The following TMEM50A variants were observed in gnomAD, a reference collection of about 807,000 sequenced individuals.
TMEM50A encodes the protein cervical cancer oncogene 9.
In TMEM50A, 8 loss-of-function variants were observed where a neutral mutation model predicts 23.9. That is an observed-to-expected ratio of 0.33 (90% confidence interval 0.20 to 0.60). The LOEUF (loss-of-function observed/expected upper bound fraction) is 0.60. Ranked by LOEUF, TMEM50A falls within the 20% of genes least tolerant of loss-of-function variation. TMEM50A has a pLI of 0.81. For synonymous variants in TMEM50A, 55 were observed against 60.4 expected, an observed-to-expected ratio of 0.91 and a Z score of 0.41; for missense variants, 178 against 192.7, an observed-to-expected ratio of 0.92 and a Z score of 0.45.
chr1:25,341,042 T>C (rs1645161389), intron 2 of TMEM50A, among the ~76,000 whole-genome samples: 1 of 152,150 alleles, frequency 6.6e-6, no homozygotes, highest in Non-Finnish European at 1.5e-5. Context: ...CCTTAAAATT[T>C]TTTTTTAAAA....
At position 25,355,243 on chromosome 1, in the gene TMEM50A, G is replaced by A. The variant is rs546253355; in HGVS notation, c.368-1550G>A. Among the ~76,000 whole-genome samples, 436 of 152,136 alleles carry A rather than the reference G, an allele frequency of 2.9e-3. 4 individuals are homozygous for A. Among genetic ancestry groups the A allele is most frequent in the East Asian group, 0.012 (62 of 5,112 alleles). On this transcript the variant is annotated intron_variant, in intron 5 of 6. Coordinates refer to ENST00000374358, the MANE Select transcript of TMEM50A (RefSeq NM_014313.4). ...AGATCTCTTGAACCTGGGAGGTGGA[G>A]GTTGCAGTGAGCTGCGATCACGCCA...
chr1:25,357,562 T>TG (rs397778370), intron 6 of TMEM50A, among the ~76,000 whole-genome samples: 35 of 132,062 alleles, frequency 2.7e-4, no homozygotes, highest in African/African-American at 9.2e-4. Context: ...TGTGTGTGTG[T>TG]TGTGTGTGTG....
intron 6 of TMEM50A, among the ~76,000 whole-genome samples, chr1:25,357,980 C>T (rs1645353514): frequency 7.2e-6 from 1 of 138,206 alleles, no homozygotes; most frequent in Admixed American, 7.5e-5. Context: ...GGGAGTCTCA[C>T]TCTGTCGCCC....
chr1:25,354,529 C>T (rs1001529568), intron 5 of TMEM50A, among the ~76,000 whole-genome samples: 21 of 151,954 alleles, frequency 1.4e-4, no homozygotes, highest in African/African-American at 5.1e-4. Context: ...AGAGGATCAC[C>T]TGAGCCCGGG....
Position 25,360,710 on chromosome 1 carries a change from A to G in TMEM50A, c.*5A>G, listed in dbSNP as rs1225108321. 6.2e-7 allele frequency: 1 copy of G among 1,614,110 alleles called. No homozygotes were observed. The highest frequency in any genetic ancestry group is 8.5e-7 in the Non-Finnish European group (1 of 1,179,994). ...ACTGAAGACTTATGGCAGTGAACAC[A>G]TCTGATTTCCCACAGCACAACAGCC... On this transcript the variant is annotated 3_prime_UTR_variant, in exon 7 of 7. Transcript: ENST00000374358.
chr1:25,339,278 C>T (rs1645141073), intron 1 of TMEM50A, among the ~76,000 whole-genome samples: 2 of 152,190 alleles, frequency 1.3e-5, no homozygotes, highest in Admixed American at 6.5e-5. Context: ...CAGGTCTCTA[C>T]TGCTCGGCTT....
At chr1:25,345,129 T>TC (rs1312131338) in intron 3 of TMEM50A, among the ~76,000 whole-genome samples, 1 of 150,086 alleles carries the variant, frequency 6.7e-6, no homozygotes, top group East Asian at 1.9e-4. Context: ...TCTTTTTTTT[T>TC]TTTTTTTTTT....
chr1:25,351,595 C>T, intron 3 of TMEM50A, 31 bp from the exon 4 acceptor site: 1 of 1,581,416 alleles, frequency 6.3e-7, no homozygotes, highest in African/African-American at 1.4e-5. Flanking sequence ...GTCATGGACC[C>T]TGATTTCTTG....
At chr1:25,348,000 T>C (rs1645236586) in intron 3 of TMEM50A, among the ~76,000 whole-genome samples, 1 of 152,266 alleles carries the variant, frequency 6.6e-6, no homozygotes, top group Non-Finnish European at 1.5e-5. Flanking sequence ...AAAATTATTT[T>C]GTTCCATTTT....
intron 6 of TMEM50A, among the ~76,000 whole-genome samples, chr1:25,357,939 C>T (rs1178111381): frequency 7.0e-6 from 1 of 143,298 alleles, no homozygotes; most frequent in Non-Finnish European, 1.5e-5. Context: ...ACCCAGCCTG[C>T]ATCAGGAGTT....
At chr1:25,359,731 A>G (rs1019128892) in intron 6 of TMEM50A, among the ~76,000 whole-genome samples, 2 of 151,808 alleles carry the variant, frequency 1.3e-5, no homozygotes, top group Non-Finnish European at 2.9e-5. Flanking sequence ...TTCCCCTTTG[A>G]TGTACTGTTT....
chr1:25,351,752 C>A, intron 4 of TMEM50A, 59 bp downstream of exon 4: 1 of 1,403,630 alleles, frequency 7.1e-7, no homozygotes, highest in Non-Finnish European at 9.9e-7. Flanking sequence ...ATGAGTATTT[C>A]ACATGGAAAT....
chr1:25,339,824 T>C (rs1645148478), intron 1 of TMEM50A, among the ~76,000 whole-genome samples: 1 of 152,224 alleles, frequency 6.6e-6, no homozygotes, highest in Admixed American at 6.5e-5. Flanking sequence ...TTAGAAATAA[T>C]AGGATGTGAC....
rs1179821439 is a variant in TMEM50A, at chr1:25,362,039, A to G, written c.*1334A>G. The G allele has an allele frequency of 3.9e-6, 1 of 254,374 alleles. No homozygotes were observed. Among genetic ancestry groups the G allele is most frequent in the Non-Finnish European group, 7.7e-6 (1 of 130,516 alleles). The allele number at this position is 254,374 out of a possible 1,614,324, so 15.8% of individuals were successfully genotyped here. Reference sequence around the variant, plus strand: ...TCCCCCCACCCTACAACTGAGCACAACCTCTTTCCCCACAGTGCAATTCAG... The same window carrying G: ...TCCCCCCACCCTACAACTGAGCACAGCCTCTTTCCCCACAGTGCAATTCAG... On this transcript the variant is annotated 3_prime_UTR_variant, in exon 7 of 7. Transcript: ENST00000374358.
chr1:25,354,748 T>C (rs942970497), intron 5 of TMEM50A, among the ~76,000 whole-genome samples: 4 of 152,220 alleles, frequency 2.6e-5, no homozygotes, highest in Non-Finnish European at 5.9e-5. Context: ...GCATTTCACA[T>C]GATATTATAA....
chr1:25,341,346 T>C (rs562454963), intron 2 of TMEM50A, among the ~76,000 whole-genome samples: 10 of 151,986 alleles, frequency 6.6e-5, no homozygotes, highest in South Asian at 6.3e-4. Flanking sequence ...CAAGCTCCGC[T>C]TCCCGGGGTT....
chr1:25,358,974 C>CA (rs1645365471), intron 6 of TMEM50A, among the ~76,000 whole-genome samples: 1 of 152,204 alleles, frequency 6.6e-6, no homozygotes, highest in South Asian at 2.1e-4. Flanking sequence ...AGGCTGGTCT[C>CA]AAACTCCTGG....
rs183126377 is a variant in TMEM50A, at chr1:25,346,354, C to T, written c.206+3281C>T. 2.5e-4 allele frequency among the ~76,000 whole-genome samples: 38 copies of T among 151,880 alleles called. No individual in the cohort carries two copies. In the East Asian group the frequency reaches 5.8e-3, roughly 23 times the overall value. ...AACATGCACATGAACACCCAATCAT[C>T]GTGCCTAAGAACTACAAAAGAATCA... On this transcript the variant is annotated intron_variant, in intron 3 of 6. Coordinates refer to ENST00000374358, the MANE Select transcript of TMEM50A (RefSeq NM_014313.4).
intron 6 of TMEM50A, among the ~76,000 whole-genome samples, chr1:25,358,194 G>A (rs377387929): frequency 3.9e-5 from 6 of 152,078 alleles, no homozygotes; most frequent in African/African-American, 1.2e-4. Flanking sequence ...TGACCCACCC[G>A]CCTCGGCCTC....
Sources: allele counts gnomAD v4.1 joint callset (sites outside exome capture counted in the v4.1 genomes callset), GRCh38; gene constraint gnomAD v4.1.1; transcripts MANE v1.5; gene names NCBI Gene and HGNC (gene_info 2026-07-23, HGNC 2026-07-21).